Variants in MYOM2 observed in about 807,000 individuals in gnomAD.
MYOM2 encodes the protein myomesin 2, also known as myomesin-2.
MYOM2 carries 254 observed loss-of-function variants against 187.6 expected under a neutral mutation model. That is an observed-to-expected ratio of 1.35 (90% CI 1.22 to 1.50). MYOM2 has a LOEUF of 1.50. MYOM2 is among the 40% of genes most tolerant of loss of function. The pLI is 0.00. For missense variants in MYOM2, 2,796 were observed against 1,924.0 expected, an observed-to-expected ratio of 1.45 and a Z score of -8.48; for synonymous variants, 981 against 753.8, an observed-to-expected ratio of 1.30 and a Z score of -4.94.
In MYOM2 at chr8:2,116,272, C is replaced by T. The variant is rs201552817; in HGVS notation, c.3382C>T (p.Gln1128Ter). The change falls in exon 27 of 37, where the codon CAA (glutamine) becomes TAA (stop). Residue 1128 changes from glutamine to a stop codon, truncating the protein, a stop_gained. Transcript: ENST00000262113. LOFTEE classifies it high-confidence loss of function. ...TCAAAGGAAAGAATTTCTCAGGAAA[C>T]AAGGTGAGTTTCCTCACTCTGACCG... ...EFQRKEFLRK[Q>*]GPHFAEYLHW... 28 of 1,612,662 alleles carry T rather than the reference C, an allele frequency of 1.7e-5. No homozygotes were observed. Among genetic ancestry groups the T allele is most frequent in the Admixed American group, 5.0e-5 (3 of 59,892 alleles).
rs1166470394 is a variant in MYOM2, at chr8:2,143,393, C to T, written c.4025-8C>T. On this transcript the variant is annotated splice_region_variant and splice_polypyrimidine_tract_variant and intron_variant, in intron 35 of 36. Coordinates refer to ENST00000262113, the MANE Select transcript of MYOM2 (RefSeq NM_003970.4). ...TGTTTTCCTAACCAAGGTGCTTTCC[C>T]GTTGCAGATCGTGGCAGGTTGATCG... The T allele has an allele frequency of 1.1e-5, 17 of 1,614,194 alleles. No homozygotes were observed. Among genetic ancestry groups the T allele is most frequent in the Admixed American group, 1.7e-5 (1 of 60,028 alleles).
chr8:2,046,496 C>T (rs1002092474), intron 1 of MYOM2, among the ~76,000 whole-genome samples: 2 of 152,182 alleles, frequency 1.3e-5, no homozygotes, highest in Non-Finnish European at 2.9e-5. Context: ...TCATATTTCC[C>T]TGGGGACGGT....
rs920807009 is a variant in MYOM2 at position 2,076,296 on chromosome 8, A to T, written c.1262+14A>T. ...TTTTGTGGACCGGTGAGCGTCTTGC[A>T]TTCTCCCGGGGATGGGAACGTTCCG... On this transcript the variant is annotated intron_variant, in intron 11 of 36. Transcript: ENST00000262113. 6.2e-7 allele frequency: 1 copy of T among 1,612,554 alleles called. No homozygotes were observed. The highest frequency in any genetic ancestry group is 8.5e-7 in the Non-Finnish European group (1 of 1,179,528).
chr8:2,118,586 C>T (rs185828087), intron 28 of MYOM2, among the ~76,000 whole-genome samples: 1 of 152,076 alleles, frequency 6.6e-6, no homozygotes, highest in Non-Finnish European at 1.5e-5. Context: ...GCCAAGGGGA[C>T]TAAGAATTAT....
Position 2,105,969 on chromosome 8 carries a change from C to T in MYOM2, c.2735-273C>T, listed in dbSNP as rs557369668. Among the ~76,000 whole-genome samples the T allele has an allele frequency of 1.3e-3, 205 of 152,292 alleles. 2 individuals carry two copies. Among genetic ancestry groups the T allele is most frequent in the Non-Finnish European group, 1.9e-3 (132 of 68,024 alleles). ...ACAGTCATGGCAGAGGGCACTTCTT[C>T]ACAGGGCGGCAGGACAGAGTGAGTG... On this transcript the variant is annotated intron_variant, in intron 21 of 36. Transcript: ENST00000262113.
At chr8:2,141,119 CG>C in intron 33 of MYOM2, 21 bp from the exon 34 acceptor site, 1 of 1,608,446 alleles carries the variant, frequency 6.2e-7, no homozygotes, top group Non-Finnish European at 8.5e-7. Flanking sequence ...TGGTTAGTAA[CG>C]TATGAACTAT....
At chr8:2,046,469 C>T (rs1008613177) in intron 1 of MYOM2, among the ~76,000 whole-genome samples, 1 of 152,164 alleles carries the variant, frequency 6.6e-6, no homozygotes, top group Admixed American at 6.5e-5. Context: ...CGTGGCCCTA[C>T]CGGTGACCCG....
At chr8:2,109,280 G>A in intron 24 of MYOM2, 115 bp from the exon 25 acceptor site, 2 of 1,219,352 alleles carry the variant, frequency 1.6e-6, no homozygotes, top group Non-Finnish European at 2.2e-6. Context: ...ATACTCCAGG[G>A]TTTCACATTC....
intron 31 of MYOM2, among the ~76,000 whole-genome samples, chr8:2,124,480 A>C (rs1239444101): frequency 6.6e-6 from 1 of 152,238 alleles, no homozygotes; most frequent in African/African-American, 2.4e-5. Flanking sequence ...ATCCTGTCTT[A>C]GGTTAATTGG....
At chr8:2,076,309 TG>T (rs1819418671) in intron 11 of MYOM2, 27 bp downstream of exon 11, 2 of 1,610,882 alleles carry the variant, frequency 1.2e-6, no homozygotes, top group Non-Finnish European at 1.7e-6. Context: ...CTCCCGGGGA[TG>T]GGAACGTTCC....
At chr8:2,052,676 C>G (rs935622245) in intron 3 of MYOM2, among the ~76,000 whole-genome samples, 1 of 152,228 alleles carries the variant, frequency 6.6e-6, no homozygotes, top group Non-Finnish European at 1.5e-5. Flanking sequence ...CCTTTCCAGA[C>G]AGAGCAGGAT....
Position 2,120,852 on chromosome 8 carries a change from T to C in MYOM2, c.3454-2400T>C, listed in dbSNP as rs886920073. Among the ~76,000 whole-genome samples the C allele has an allele frequency of 2.0e-5, 3 of 150,376 alleles. No individual in the cohort carries two copies. In the East Asian group the frequency reaches 5.9e-4, roughly 29 times the overall value. ...AACTAGAGCTAAGGCTTTGATTTGA[T>C]AGGTTCGATAACATGCTCAAGGTTG... On this transcript the variant is annotated intron_variant, in intron 28 of 36. Coordinates refer to ENST00000262113, the MANE Select transcript of MYOM2 (RefSeq NM_003970.4).
At chr8:2,128,591 A>T (rs1189761224) in intron 31 of MYOM2, among the ~76,000 whole-genome samples, 1 of 152,102 alleles carries the variant, frequency 6.6e-6, no homozygotes, top group African/African-American at 2.4e-5. Context: ...TATTCCAAGT[A>T]CACTGTGTGT....
intron 25 of MYOM2, among the ~76,000 whole-genome samples, chr8:2,112,625 G>A (rs1019563457): frequency 6.6e-6 from 1 of 152,144 alleles, no homozygotes; most frequent in African/African-American, 2.4e-5. Flanking sequence ...AAACAATGCT[G>A]AAGAAAATGA....
chr8:2,115,107 T>C (rs1797195269), intron 25 of MYOM2, among the ~76,000 whole-genome samples: 1 of 149,506 alleles, frequency 6.7e-6, no homozygotes, highest in African/African-American at 2.5e-5. Context: ...ATAACTTTAA[T>C]AATTATCAAG....
rs77966463 is a variant in MYOM2, at chr8:2,131,225, C to T, written c.3800+1993C>T. Reference sequence around the variant, plus strand: ...TAGCAAGCAGGTACTTTGTGTTACACGTTCAACACATGTTATTTTTATCTA... The same window carrying T: ...TAGCAAGCAGGTACTTTGTGTTACATGTTCAACACATGTTATTTTTATCTA... On this transcript the variant is annotated intron_variant, in intron 32 of 36. Transcript: ENST00000262113. Among the ~76,000 whole-genome samples the T allele has an allele frequency of 4.9e-3, 743 of 152,264 alleles. 3 individuals are homozygous for T. Among genetic ancestry groups the T allele is most frequent in the Non-Finnish European group, 8.0e-3 (547 of 68,018 alleles).
At chr8:2,129,471 T>C (rs1797776034) in intron 32 of MYOM2, among the ~76,000 whole-genome samples, 1 of 152,224 alleles carries the variant, frequency 6.6e-6, no homozygotes, top group African/African-American at 2.4e-5. Flanking sequence ...CAAATTTCTC[T>C]AGTGTCTCAG....
At chr8:2,080,345 G>C (rs1819578765) in intron 13 of MYOM2, among the ~76,000 whole-genome samples, 1 of 152,208 alleles carries the variant, frequency 6.6e-6, no homozygotes. Context: ...GCGTTTTCTG[G>C]ATTGGTTTTC....
rs1162919090 is a variant in MYOM2, at chr8:2,086,488, T to TGTGGCCCCCCACTGTCGTGATCTCTGC, written c.1644+1107_1644+1133dup. Among the ~76,000 whole-genome samples, 206 of 61,066 alleles carry TGTGGCCCCCCACTGTCGTGATCTCTGC rather than the reference T, an allele frequency of 3.4e-3. 8 individuals are homozygous for TGTGGCCCCCCACTGTCGTGATCTCTGC. The highest frequency in any genetic ancestry group is 4.8e-3 in the Non-Finnish European group (128 of 26,732). The allele number at this position is 61,066 out of a possible 152,430, so 40.1% of individuals were successfully genotyped here. ...TGGCCACACACTGTCATGATCTCTG[T>TGTGGCCCCCCACTGTCGTGATCTCTGC]GTGGCCCCCCACTGTCGTGATCTCT... On this transcript the variant is annotated intron_variant, in intron 14 of 36. Coordinates refer to ENST00000262113, the MANE Select transcript of MYOM2 (RefSeq NM_003970.4).
Sources: allele counts gnomAD v4.1 joint callset (sites outside exome capture counted in the v4.1 genomes callset), GRCh38; gene constraint gnomAD v4.1.1; transcripts MANE v1.5; gene names NCBI Gene and HGNC (gene_info 2026-07-23, HGNC 2026-07-21).